Variants in GRIK4 observed in about 807,000 individuals in gnomAD.
GRIK4 encodes the protein glutamate ionotropic receptor kainate type subunit 4, also known as glutamate receptor ionotropic, kainate 4.
In GRIK4, 40 loss-of-function variants were observed where a neutral mutation model predicts 104.9. The ratio of observed to expected loss-of-function variants is 0.38; its 90% CI spans 0.30 to 0.50. The LOEUF is 0.50. Ranked by LOEUF, GRIK4 falls within the 20% of genes least tolerant of loss-of-function variation. The probability of loss-of-function intolerance (pLI) is 0.93; values close to 1 mark genes in which losing one functional copy is unlikely to be tolerated. For synonymous variants in GRIK4, 485 were observed against 524.9 expected (o/e 0.92, Z 1.04); for missense variants, 1,047 against 1,308.1 (o/e 0.80, Z 3.08).
rs183351736 is a variant in GRIK4 at position 120,983,719 on chromosome 11, C to T, written c.2514+1495C>T. ...CTGTCTCCCAGCAATTGGTCACCCT[C>T]CTTCTTCCTGACACCAGTGTAACCT... On this transcript the variant is annotated intron_variant, in intron 20 of 20. Transcript: ENST00000527524. Among the ~76,000 whole-genome samples, 4 of 152,298 alleles carry T rather than the reference C, an allele frequency of 2.6e-5. No individual in the cohort carries two copies. The East Asian group carries it at 7.7e-4, about 29-fold the overall frequency.
At position 120,777,949 on chromosome 11, in the gene GRIK4, G is replaced by GA. The variant is rs1057339020; in HGVS notation, c.83-24733dup. Among the ~76,000 whole-genome samples, 218 of 135,462 alleles carry GA rather than the reference G, an allele frequency of 1.6e-3. 3 individuals are homozygous for GA. The South Asian group carries it at 0.033, about 21-fold the overall frequency. The allele number at this position is 135,462 out of a possible 152,430, so 88.9% of individuals were successfully genotyped here. On this transcript the variant is annotated intron_variant, in intron 3 of 20. Transcript: ENST00000527524. Reference sequence around the variant, plus strand: ...CAGACTCCATCTCAAAAAAAAAAAAGAAAAAAAAAAAGGACGAAATAAAGT... The same window carrying GA: ...CAGACTCCATCTCAAAAAAAAAAAAGAAAAAAAAAAAAGGACGAAATAAAGT...
chr11:120,761,435 A>C (rs1245409919), intron 3 of GRIK4, among the ~76,000 whole-genome samples: 1 of 152,232 alleles, frequency 6.6e-6, no homozygotes, highest in Non-Finnish European at 1.5e-5. Flanking sequence ...TTTGCTATGC[A>C]GAAGCTCTTT....
chr11:120,523,107 CAG>C (rs2136075156), intron 1 of GRIK4, among the ~76,000 whole-genome samples: 1 of 150,260 alleles, frequency 6.7e-6, no homozygotes, highest in Admixed American at 6.7e-5. Flanking sequence ...GACACCCCAT[CAG>C]GGGGCCAAAA....
intron 14 of GRIK4, among the ~76,000 whole-genome samples, chr11:120,943,617 T>C (rs1462588011): frequency 6.6e-6 from 1 of 152,224 alleles, no homozygotes; most frequent in African/African-American, 2.4e-5. Context: ...GTTCGTTGTT[T>C]TGCAATTTTT....
At chr11:120,558,529 A>G (rs1468037407) in intron 1 of GRIK4, among the ~76,000 whole-genome samples, 2 of 152,202 alleles carry the variant, frequency 1.3e-5, no homozygotes, top group Non-Finnish European at 2.9e-5. Flanking sequence ...CAGAGGTTGC[A>G]GTGAGCTGAG....
intron 1 of GRIK4, among the ~76,000 whole-genome samples, chr11:120,637,403 G>A (rs1420760187): frequency 6.6e-6 from 1 of 152,124 alleles, no homozygotes; most frequent in East Asian, 1.9e-4. Flanking sequence ...CAGAGTGAGT[G>A]GCTTTCTGGT....
chr11:120,808,763 C>G (rs1333697346), intron 4 of GRIK4, among the ~76,000 whole-genome samples: 1 of 152,202 alleles, frequency 6.6e-6, no homozygotes, highest in Non-Finnish European at 1.5e-5. Flanking sequence ...GCCAGGGCTT[C>G]ACGTGTACTC....
chr11:120,899,157 C>G (rs565849536), intron 12 of GRIK4, among the ~76,000 whole-genome samples: 11 of 152,198 alleles, frequency 7.2e-5, no homozygotes, highest in African/African-American at 2.6e-4. Context: ...TGGCTCATGC[C>G]TGTAGTCCTA....
chr11:120,737,706 A>T (rs1951250305), intron 3 of GRIK4, among the ~76,000 whole-genome samples: 1 of 152,202 alleles, frequency 6.6e-6, no homozygotes, highest in Non-Finnish European at 1.5e-5. Flanking sequence ...AAAGAAAAAA[A>T]ACCACAAGGA....
At chr11:120,584,113 C>A (rs1461441619) in intron 1 of GRIK4, among the ~76,000 whole-genome samples, 1 of 152,168 alleles carries the variant, frequency 6.6e-6, no homozygotes, top group Non-Finnish European at 1.5e-5. Context: ...AGCTTTTGAG[C>A]AGAGACTGTG....
intron 1 of GRIK4, among the ~76,000 whole-genome samples, chr11:120,550,030 A>G (rs1299444645): frequency 1.3e-5 from 2 of 152,116 alleles, no homozygotes; most frequent in Non-Finnish European, 2.9e-5. Context: ...ATTTGAGCAG[A>G]GGGATCCCAT....
intron 4 of GRIK4, among the ~76,000 whole-genome samples, chr11:120,810,781 A>T (rs897422517): frequency 1.3e-5 from 2 of 152,198 alleles, no homozygotes; most frequent in African/African-American, 4.8e-5. Flanking sequence ...GAGCCTAATT[A>T]CTACCATAAT....
At chr11:120,799,811 C>G (rs138033078) in intron 3 of GRIK4, among the ~76,000 whole-genome samples, 2 of 152,260 alleles carry the variant, frequency 1.3e-5, no homozygotes, top group African/African-American at 2.4e-5. Context: ...TTAGATGTCT[C>G]TTTTCCTTGT....
intron 4 of GRIK4, among the ~76,000 whole-genome samples, chr11:120,810,054 G>A (rs1339239386): frequency 2.0e-5 from 3 of 152,208 alleles, no homozygotes; most frequent in Non-Finnish European, 2.9e-5. Context: ...TACAAAGTGA[G>A]ACACTGTCTC....
At position 120,638,444 on chromosome 11, in the gene GRIK4, T is replaced by G. The variant is rs186236595; in HGVS notation, c.-158-15241T>G. Among the ~76,000 whole-genome samples, 43 of 151,916 alleles carry G rather than the reference T, an allele frequency of 2.8e-4. 1 individual carries two copies. Among genetic ancestry groups the G allele is most frequent in the Admixed American group, 2.4e-3 (36 of 15,274 alleles). On this transcript the variant is annotated intron_variant, in intron 1 of 20. Transcript: ENST00000527524. Reference sequence around the variant, plus strand: ...TCTTCAGAGTCCATGATGTTTATCCTCATGCTCTGCTACCTCTCAATGATT... The same window carrying G: ...TCTTCAGAGTCCATGATGTTTATCCGCATGCTCTGCTACCTCTCAATGATT...
chr11:120,924,410 A>G (rs1455951734), intron 13 of GRIK4, among the ~76,000 whole-genome samples: 2 of 152,074 alleles, frequency 1.3e-5, no homozygotes, highest in African/African-American at 4.8e-5. Context: ...TACTTGGGAA[A>G]ATCACTTAAC....
At chr11:120,918,584 C>T (rs2852213) in intron 13 of GRIK4, among the ~76,000 whole-genome samples, 81,212 of 151,976 alleles carry the variant, frequency 0.53, 22,827 homozygotes, top group African/African-American at 0.71. Context: ...GGGGTATCTA[C>T]TTGTCGATTT....
At chr11:120,744,321 T>C (rs570003875) in intron 3 of GRIK4, among the ~76,000 whole-genome samples, 19 of 152,280 alleles carry the variant, frequency 1.2e-4, no homozygotes, top group African/African-American at 4.6e-4. Context: ...CCCCCGGGCC[T>C]GGACGCTGGG....
At chr11:120,888,265 A>G (rs192493646) in intron 11 of GRIK4, among the ~76,000 whole-genome samples, 5 of 152,222 alleles carry the variant, frequency 3.3e-5, no homozygotes, top group African/African-American at 1.2e-4. Flanking sequence ...ATTAGTATCT[A>G]TATCTATCTA....
Sources: allele counts gnomAD v4.1 joint callset (sites outside exome capture counted in the v4.1 genomes callset), GRCh38; gene constraint gnomAD v4.1.1; transcripts MANE v1.5; gene names NCBI Gene and HGNC (gene_info 2026-07-23, HGNC 2026-07-21).